DYRK1A: variants seen among roughly 807,000 people sequenced by gnomAD.
The protein encoded by DYRK1A is dual specificity tyrosine phosphorylation regulated kinase 1A.
Under a neutral mutation model 79.7 loss-of-function variants are expected in DYRK1A, and 9 were observed. The observed-to-expected ratio is 0.11, with a 90% CI of 0.07 to 0.20. The LOEUF (loss-of-function observed/expected upper bound fraction) is 0.20. Ranked by LOEUF, DYRK1A falls within the 10% of genes least tolerant of loss-of-function variation. The pLI, the probability that DYRK1A is intolerant of heterozygous loss-of-function variation, is 1.00. For missense variants in DYRK1A, 622 were observed against 956.0 expected (o/e 0.65, Z 4.61); for synonymous variants, 349 against 329.7 (o/e 1.06, Z -0.63).
intron 11 of DYRK1A, among the ~76,000 whole-genome samples, chr21:37,511,131 C>T (rs2053737715): frequency 6.6e-6 from 1 of 152,170 alleles, no homozygotes; most frequent in Admixed American, 6.5e-5. Flanking sequence ...GAAGGCAGGT[C>T]TTCTTTGTTT....
intron 1 of DYRK1A, among the ~76,000 whole-genome samples, chr21:37,403,235 T>C (rs1323086690): frequency 6.6e-6 from 1 of 152,114 alleles, no homozygotes; most frequent in Non-Finnish European, 1.5e-5. Flanking sequence ...ATTTTTCTGC[T>C]GAGATCCCCT....
chr21:37,506,176 T>C lies in DYRK1A; in HGVS notation c.1597T>C (p.Phe533Leu). ...THQHRHSGGH[F>L]TAAVQAMDCE... The stretch of plus-strand genomic sequence containing the variant: ...CCAGCATCGGCACAGTGGTGGGCAC[T>C]TCACAGCTGCCGTGCAGGCCATGGA... Residue 533 changes from phenylalanine (F) to leucine (L), a missense_variant, in exon 11 of 12, where the codon TTC becomes CTC. Around this residue, in one of 5 missense-constraint regions of DYRK1A, gnomAD observed 292 missense variants for 316.7 expected, o/e 0.92. Transcript: ENST00000647188. 3.1e-6 allele frequency: 5 copies of C among 1,614,240 alleles called. No homozygotes were observed. Among genetic ancestry groups the C allele is most frequent in the Non-Finnish European group, 4.2e-6 (5 of 1,180,056 alleles).
chr21:37,458,498 G>C, intron 2 of DYRK1A, among the ~76,000 whole-genome samples: 1 of 152,018 alleles, frequency 6.6e-6, no homozygotes, highest in East Asian at 1.9e-4. Context: ...TGTGTGTAAC[G>C]TTTCAAACCC....
At position 37,518,615 on chromosome 21, in the gene DYRK1A, CTTT is replaced by C. The variant is rs750239891; in HGVS notation, c.*6101_*6103del. ...TATGACGGAAGTCTGAATCCAAGGACTTTTTTTTTTTTTTTTTTTGGAGACAGT... is the reference window on the plus strand; with the variant it reads ...TATGACGGAAGTCTGAATCCAAGGACTTTTTTTTTTTTTTTTGGAGACAGT... On this transcript the variant is annotated 3_prime_UTR_variant, in exon 12 of 12. Coordinates refer to ENST00000647188, the MANE Select transcript of DYRK1A (RefSeq NM_001347721.2). 6.4e-5 allele frequency: 8 copies of C among 125,466 alleles called. No individual in the cohort carries two copies. Among genetic ancestry groups the C allele is most frequent in the African/African-American group, 1.2e-4 (4 of 32,944 alleles). 7.8% of individuals were successfully genotyped at this position (125,466 alleles called of 1,614,324 possible).
chr21:37,519,156 CAT>C lies in DYRK1A; in HGVS notation c.*6626_*6627del, dbSNP rs983418418. On this transcript the variant is annotated 3_prime_UTR_variant, in exon 12 of 12. Coordinates refer to ENST00000647188, the MANE Select transcript of DYRK1A (RefSeq NM_001347721.2). ...TCTCAGATGTCCCATGAGAATGGCA[CAT>C]GTTATTTCCCAACAGTGGGAATGGA... The C allele has an allele frequency of 8.5e-5, 13 of 152,308 alleles. No homozygotes were observed. The highest frequency in any genetic ancestry group is 2.2e-4 in the African/African-American group (9 of 41,560). 9.4% of individuals were successfully genotyped at this position (152,308 alleles called of 1,614,324 possible). A position where few individuals can be genotyped will look rare whatever the true frequency, so the allele number is the denominator to read the frequency against.
At chr21:37,368,251 C>G (rs1233827797) in intron 1 of DYRK1A, 1 of 152,068 alleles carries the variant, frequency 6.6e-6, no homozygotes, top group Non-Finnish European at 1.5e-5. Flanking sequence ...GGAGGGATGA[C>G]CTGCCCGGCA....
At chr21:37,426,881 C>G (rs1190812593) in intron 2 of DYRK1A, among the ~76,000 whole-genome samples, 31 of 141,526 alleles carry the variant, frequency 2.2e-4, no homozygotes, top group African/African-American at 8.2e-4. Flanking sequence ...GATAGCGCCA[C>G]TGGACTCCAG....
intron 1 of DYRK1A, among the ~76,000 whole-genome samples, chr21:37,367,829 G>A (rs2049342594): frequency 1.3e-5 from 2 of 151,186 alleles, no homozygotes; most frequent in Admixed American, 1.3e-4. Flanking sequence ...CGAGCGGAGG[G>A]AAAGTTGCGG....
At chr21:37,378,486 T>G (rs2049592822) in intron 1 of DYRK1A, among the ~76,000 whole-genome samples, 1 of 152,204 alleles carries the variant, frequency 6.6e-6, no homozygotes, top group African/African-American at 2.4e-5. Flanking sequence ...GAGCCGGAGA[T>G]CACGCCATTG....
rs536288780 is a variant in DYRK1A, at chr21:37,515,605, A to G, written c.*3074A>G. On this transcript the variant is annotated 3_prime_UTR_variant, in exon 12 of 12. Transcript: ENST00000647188. Reference sequence around the variant, plus strand: ...GAATTCTAGAATTCTTGCCACTGTGATTCAATTGCTAACCTAAAGTCTTCT... The same window carrying G: ...GAATTCTAGAATTCTTGCCACTGTGGTTCAATTGCTAACCTAAAGTCTTCT... The G allele has an allele frequency of 2.0e-4, 31 of 152,270 alleles. No homozygotes were observed. The highest frequency in any genetic ancestry group is 6.5e-4 in the African/African-American group (27 of 41,550). 9.4% of individuals were successfully genotyped at this position (152,270 alleles called of 1,614,324 possible).
At chr21:37,454,674 A>C (rs996409285) in intron 2 of DYRK1A, among the ~76,000 whole-genome samples, 5 of 152,212 alleles carry the variant, frequency 3.3e-5, no homozygotes, top group Non-Finnish European at 5.9e-5. Flanking sequence ...ATGTTAAAAA[A>C]TTTTATCTCA....
chr21:37,463,173 A>ATG lies in DYRK1A; in HGVS notation c.11-9495_11-9494dup, dbSNP rs539137261. Among the ~76,000 whole-genome samples, 1,270 of 131,350 alleles carry ATG rather than the reference A, an allele frequency of 9.7e-3. 21 individuals carry two copies. The highest frequency in any genetic ancestry group is 0.03 in the African/African-American group (1,045 of 35,326). 86.2% of individuals were successfully genotyped at this position (131,350 alleles called of 152,430 possible). A position where few individuals can be genotyped will look rare whatever the true frequency, so the allele number is the denominator to read the frequency against. ...AGTGGGTTGACAAGCTTGTGTGTGC[A>ATG]TGTGTGTGTGTGTGTGTTTAATGTT... On this transcript the variant is annotated intron_variant, in intron 2 of 11. Coordinates refer to ENST00000647188, the MANE Select transcript of DYRK1A (RefSeq NM_001347721.2).
At position 37,505,527 on chromosome 21, in the gene DYRK1A, C is replaced by T. The variant is rs1416442067; in HGVS notation, c.1457C>T (p.Thr486Ile). ...ACAAATACAAGTAATAGTGTATCTACAAGCCCCGCCATGGAGCAGTCTCAG... is the reference window on the plus strand; with the variant it reads ...ACAAATACAAGTAATAGTGTATCTATAAGCCCCGCCATGGAGCAGTCTCAG... ...EGTNTSNSVS[T>I]SPAMEQSQSS... is the part of the protein sequence containing the mutation. Residue 486 changes from threonine (T) to isoleucine (I), a missense_variant, in exon 10 of 12, where the codon ACA becomes ATA. By Grantham distance (89) the Thr-to-Ile change is moderately conservative. Coordinates refer to ENST00000647188, the MANE Select transcript of DYRK1A (RefSeq NM_001347721.2). 1.2e-6 allele frequency: 2 copies of T among 1,611,966 alleles called. No homozygotes were observed. The highest frequency in any genetic ancestry group is 3.3e-5 in the Admixed American group (2 of 60,008).
chr21:37,435,348 G>C (rs1278282559), intron 2 of DYRK1A, among the ~76,000 whole-genome samples: 1 of 152,212 alleles, frequency 6.6e-6, no homozygotes, highest in Non-Finnish European at 1.5e-5. Flanking sequence ...GGGGTTCAGG[G>C]ATGGTTTCTG....
At chr21:37,370,485 G>A (rs1159270914) in intron 1 of DYRK1A, among the ~76,000 whole-genome samples, 1 of 152,124 alleles carries the variant, frequency 6.6e-6, no homozygotes, top group African/African-American at 2.4e-5. Flanking sequence ...GGCTTCACTT[G>A]TGACTTTCTT....
chr21:37,461,921 A>T (rs2051851970), intron 2 of DYRK1A, among the ~76,000 whole-genome samples: 2 of 130,590 alleles, frequency 1.5e-5, no homozygotes, highest in African/African-American at 5.8e-5. Context: ...TTGTTTTTCC[A>T]TTCACTTATC....
intron 2 of DYRK1A, among the ~76,000 whole-genome samples, chr21:37,433,066 T>C (rs2050824682): frequency 6.7e-6 from 1 of 150,284 alleles, no homozygotes; most frequent in East Asian, 1.9e-4. Context: ...TATATATATA[T>C]GTAATGAAGA....
chr21:37,512,155 G>A lies in DYRK1A; in HGVS notation c.1889G>A (p.Ser630Asn). ...RPRVYNSPTN[S>N]SSTQDSMEVG... ...AGGGTCTACAATTCTCCAACGAATA[G>A]CTCCTCTACCCAAGATTCTATGGAG... The change falls in exon 12 of 12, where the codon AGC becomes AAC. Residue 630 changes from serine to asparagine, a missense_variant. Transcript: ENST00000647188. 1 of 1,614,178 alleles carries A rather than the reference G, an allele frequency of 6.2e-7. No homozygotes were observed. Among genetic ancestry groups the A allele is most frequent in the Non-Finnish European group, 8.5e-7 (1 of 1,180,032 alleles).
At chr21:37,383,837 A>ATGTGTGTGTG (rs112549944) in intron 1 of DYRK1A, among the ~76,000 whole-genome samples, 1,694 of 148,472 alleles carry the variant, frequency 0.011, 13 homozygotes, top group African/African-American at 0.026. Flanking sequence ...GTAATGGTGT[A>ATGTGTGTGTG]TGTGTGTGTG....
Sources: allele counts gnomAD v4.1 joint callset (sites outside exome capture counted in the v4.1 genomes callset), GRCh38; gene constraint gnomAD v4.1.1; regional missense constraint gnomAD v4.1.1; transcripts MANE v1.5; gene names NCBI Gene and HGNC (gene_info 2026-07-23, HGNC 2026-07-21).